CAGE1: variants seen among roughly 807,000 people sequenced by gnomAD.
The protein encoded by CAGE1 is cancer antigen 1.
Under a neutral mutation model 94.9 loss-of-function variants are expected in CAGE1, and 66 were observed. That is an observed-to-expected ratio of 0.70 (90% CI 0.57 to 0.85). CAGE1 has a LOEUF of 0.85. Among genes scored for constraint, CAGE1 ranks in the 40% least tolerant of loss-of-function variants. The pLI is 0.00. For missense variants in CAGE1, 865 were observed against 950.4 expected (o/e 0.91, Z 1.18); for synonymous variants, 319 against 321.0 (o/e 0.99, Z 0.07).
In CAGE1 at chr6:7,326,827, A is replaced by C; in HGVS notation, c.*31T>G. ...ATGACTCTTCCTGGAGTGGTTGACAAAAATGATTACTGTTTAATCTTCAGG... is the reference window on the plus strand; with the variant it reads ...ATGACTCTTCCTGGAGTGGTTGACACAAATGATTACTGTTTAATCTTCAGG... On this transcript the variant is annotated 3_prime_UTR_variant, in exon 14 of 14. Transcript: ENST00000502583. The C allele has an allele frequency of 1.3e-6, 2 of 1,502,936 alleles. No homozygotes were observed. The highest frequency in any genetic ancestry group is 1.9e-6 in the Non-Finnish European group (2 of 1,079,224). The allele number at this position is 1,502,936 out of a possible 1,614,324, so 93.1% of individuals were successfully genotyped here.
intron 11 of CAGE1, among the ~76,000 whole-genome samples, chr6:7,338,365 A>G (rs1759041123): frequency 6.6e-6 from 1 of 152,188 alleles, no homozygotes; most frequent in Admixed American, 6.5e-5. Flanking sequence ...ATTAAGTATA[A>G]TGTTAGTAGG....
chr6:7,346,004 CAAT>C (rs1759509875), intron 11 of CAGE1, among the ~76,000 whole-genome samples: 1 of 152,136 alleles, frequency 6.6e-6, no homozygotes, highest in African/African-American at 2.4e-5. Flanking sequence ...TTAGCAGAAT[CAAT>C]AGACTAGCAC....
chr6:7,333,653 T>TATATATATAC (rs1554136121), intron 12 of CAGE1, among the ~76,000 whole-genome samples: 22 of 111,496 alleles, frequency 2.0e-4, no homozygotes, highest in African/African-American at 9.6e-4. Context: ...TATATATATA[T>TATATATATAC]ATATATATAT....
At chr6:7,368,333 C>T (rs1444043650) in intron 7 of CAGE1, among the ~76,000 whole-genome samples, 1 of 151,772 alleles carries the variant, frequency 6.6e-6, no homozygotes, top group East Asian at 1.9e-4. Context: ...CTTCAGCCAC[C>T]TGAGAAATAA....
rs769400904 is a variant in CAGE1, at chr6:7,374,004, C to G, written c.815G>C (p.Gly272Ala). Residue 272 changes from glycine (G) to alanine (A), a missense_variant, in exon 5 of 14, where the codon GGC (glycine) becomes GCC (alanine). Physicochemically the swap from Gly to Ala is moderately conservative, Grantham distance 60 (BLOSUM62 0). Transcript: ENST00000502583. ...ACATGCTTCACTCCTCCAGGAAATGCCTGCCGAAGACCAAGTTGAGACAAT... is the reference window on the plus strand; with the variant it reads ...ACATGCTTCACTCCTCCAGGAAATGGCTGCCGAAGACCAAGTTGAGACAAT... ...PEIVSTWSSA[G>A]ISWRSEACRE... 1 of 1,614,038 alleles carries G rather than the reference C, an allele frequency of 6.2e-7. No homozygotes were observed. The highest frequency in any genetic ancestry group is 8.5e-7 in the Non-Finnish European group (1 of 1,179,896).
chr6:7,373,285 ATT>A lies in CAGE1; in HGVS notation c.1532_1533del (p.Lys511IlefsTer6). 6.2e-7 allele frequency: 1 copy of A among 1,603,906 alleles called. No homozygotes were observed. Among genetic ancestry groups the A allele is most frequent in the Non-Finnish European group, 8.5e-7 (1 of 1,174,376 alleles). ...TGCAAATTTCTAACTTGAGTGAGCA[ATT>A]TCTCAAGTCTAGATTTCAGTTTCTG... ...ERQKLKSRLE[K>X]LLTQVRNLQF... On this transcript the variant is annotated frameshift_variant, in exon 5 of 14. Transcript: ENST00000502583. LOFTEE classifies it high-confidence loss of function.
Position 7,373,396 on chromosome 6 carries a change from G to A in CAGE1, c.1423C>T (p.Arg475Trp), listed in dbSNP as rs746643033. 2.3e-5 allele frequency: 37 copies of A among 1,613,518 alleles called. No homozygotes were observed. Among genetic ancestry groups the A allele is most frequent in the Admixed American group, 5.0e-5 (3 of 59,962 alleles). ...TCTTGTTCTTGGGCCTCTTTTTCCC[G>A]TTTCAACAAGTCCAAAGCAGAAGCT... ...ATASALDLLK[R>W]EKEAQEQEFL... The change falls in exon 5 of 14, where the codon CGG becomes TGG. Residue 475 changes from arginine to tryptophan, a missense_variant. Transcript: ENST00000502583.
Position 7,368,713 on chromosome 6 carries a change from A to C in CAGE1, c.1979T>G (p.Leu660Arg). 6.5e-7 allele frequency: 1 copy of C among 1,528,804 alleles called. No homozygotes were observed. Among genetic ancestry groups the C allele is most frequent in the Non-Finnish European group, 8.8e-7 (1 of 1,134,636 alleles). The allele number at this position is 1,528,804 out of a possible 1,614,324, so 94.7% of individuals were successfully genotyped here. Residue 660 changes from leucine (L) to arginine (R), a missense_variant, in exon 7 of 14, where the codon CTT (leucine) becomes CGT (arginine). Coordinates refer to ENST00000502583, the MANE Select transcript of CAGE1 (RefSeq NM_001170692.2). ...CTCTTTATCTAAAGTTTTCTTTTTAAGATGGAGGCTCTTCAGTTTTTGCAG... is the reference window on the plus strand; with the variant it reads ...CTCTTTATCTAAAGTTTTCTTTTTACGATGGAGGCTCTTCAGTTTTTGCAG... ...IMLQKLKSLH[L>R]KKKTLDKELL...
chr6:7,341,050 A>C, intron 11 of CAGE1: 1 of 482,080 alleles, frequency 2.1e-6, no homozygotes, highest in South Asian at 1.7e-5. Flanking sequence ...TTTCAAGTTG[A>C]TCCAGATATA....
intron 11 of CAGE1, chr6:7,338,919 A>G (rs2113360056): frequency 3.8e-6 from 6 of 1,571,192 alleles, no homozygotes; most frequent in Non-Finnish European, 5.2e-6. Flanking sequence ...GTGGGCAGTT[A>G]TCTCATCTTT....
At chr6:7,347,515 T>TGGGGGGGGGGGG (rs1561853738) in intron 11 of CAGE1, 2 of 15,372 alleles carry the variant, frequency 1.3e-4, no homozygotes, top group Non-Finnish European at 2.4e-4. Flanking sequence ...GGGGGGGGGG[T>TGGGGGGGGGGGG]TGGGGGGGGC....
chr6:7,343,425 T>C (rs1759269473), intron 11 of CAGE1, among the ~76,000 whole-genome samples: 1 of 152,212 alleles, frequency 6.6e-6, no homozygotes, highest in South Asian at 2.1e-4. Flanking sequence ...TTTTGATCAT[T>C]CTGTACTCAA....
chr6:7,338,749 C>CTT (rs145823069), intron 11 of CAGE1: 34 of 623,140 alleles, frequency 5.5e-5, no homozygotes, highest in African/African-American at 2.2e-4. Context: ...CTGTATCATT[C>CTT]TTTTTTTTTT....
chr6:7,353,180 T>C (rs182533263), intron 11 of CAGE1, among the ~76,000 whole-genome samples: 1 of 152,028 alleles, frequency 6.6e-6, no homozygotes, highest in East Asian at 1.9e-4. Context: ...TATAAGGAAC[T>C]CAAACAAATC....
chr6:7,347,674 T>C (rs1383770461), intron 11 of CAGE1, among the ~76,000 whole-genome samples: 1 of 152,116 alleles, frequency 6.6e-6, no homozygotes, highest in Non-Finnish European at 1.5e-5. Flanking sequence ...GCAGGTAGCC[T>C]GGGGCAAGTT....
chr6:7,365,610 A>T (rs2113433998), intron 8 of CAGE1, 35 bp from the exon 9 acceptor site: 2 of 1,581,176 alleles, frequency 1.3e-6, no homozygotes, highest in East Asian at 4.5e-5. Flanking sequence ...ACTTTCAATC[A>T]TTTCATACTC....
intron 3 of CAGE1, among the ~76,000 whole-genome samples, chr6:7,380,939 C>A (rs1358721099): frequency 6.6e-6 from 1 of 152,134 alleles, no homozygotes; most frequent in Non-Finnish European, 1.5e-5. Context: ...CAAAGTGTAC[C>A]AATTTATGCT....
chr6:7,354,825 G>A (rs569237208), intron 11 of CAGE1, among the ~76,000 whole-genome samples: 7 of 152,174 alleles, frequency 4.6e-5, no homozygotes, highest in Admixed American at 4.6e-4. Context: ...TTAAATCAAA[G>A]GGAGCTCTGA....
At chr6:7,331,170 C>T in intron 12 of CAGE1, 1 of 269,924 alleles carries the variant, frequency 3.7e-6, no homozygotes, top group Non-Finnish European at 7.5e-6. Context: ...ATGAAATGAC[C>T]TTGGAAATAA....
Sources: gnomAD v4.1 joint callset for allele counts (sites outside exome capture counted in the v4.1 genomes callset) on GRCh38, gnomAD v4.1.1 for gene constraint, MANE v1.5 for transcripts, NCBI Gene and HGNC (gene_info 2026-07-23, HGNC 2026-07-21) for gene names.